ZRANB3: variants seen among roughly 807,000 people sequenced by gnomAD.
ZRANB3 encodes DNA annealing helicase and endonuclease ZRANB3.
A neutral mutation model predicts 133.8 loss-of-function variants in ZRANB3; 125 were observed. The ratio of observed to expected loss-of-function variants is 0.93; its 90% CI spans 0.81 to 1.08. The LOEUF (loss-of-function observed/expected upper bound fraction) is 1.08. Ranked by LOEUF, ZRANB3 falls within the 50% of genes least tolerant of loss-of-function variation. ZRANB3 has a pLI of 0.00. For synonymous variants in ZRANB3, 387 were observed against 432.7 expected (o/e 0.89, Z 1.31); for missense variants, 1,229 against 1,275.5 (o/e 0.96, Z 0.56).
chr2:135,207,703 G>A lies in ZRANB3; in HGVS notation c.2740C>T (p.Arg914Cys), dbSNP rs757395713. 16 of 1,613,878 alleles carry A rather than the reference G, an allele frequency of 9.9e-6. No individual in the cohort carries two copies. The highest frequency in any genetic ancestry group is 1.6e-4 in the Middle Eastern group (1 of 6,084). Residue 914 changes from arginine to cysteine, a missense_variant, in exon 19 of 21, where the codon CGC becomes TGC. Physicochemically the swap from Arg to Cys is radical, Grantham distance 180. Coordinates refer to ENST00000264159, the MANE Select transcript of ZRANB3 (RefSeq NM_032143.4). ...VDNEGNPLCL[R>C]CQQPTCQTKQ... ...GTCTGGCAAGTGGGTTGCTGACAGC[G>A]AAGGCAAAGTGGATTTCCTTCATTA...
intron 3 of ZRANB3, among the ~76,000 whole-genome samples, chr2:135,366,318 A>C (rs904726566): frequency 6.6e-6 from 1 of 152,166 alleles, no homozygotes; most frequent in Admixed American, 6.5e-5. Context: ...TTTTTTTTTA[A>C]GAAAAGTACA....
intron 3 of ZRANB3, among the ~76,000 whole-genome samples, chr2:135,367,956 G>A (rs564832207): frequency 6.6e-6 from 1 of 152,010 alleles, no homozygotes; most frequent in East Asian, 1.9e-4. Flanking sequence ...TAACTTCTCT[G>A]TTCTTTTGTC....
chr2:135,515,977 A>T (rs1693680223), intron 1 of ZRANB3, among the ~76,000 whole-genome samples: 1 of 152,138 alleles, frequency 6.6e-6, no homozygotes, highest in Non-Finnish European at 1.5e-5. Flanking sequence ...TTGGGTGCAT[A>T]TATATTTAAA....
At chr2:135,298,621 G>A (rs1221738697) in intron 8 of ZRANB3, among the ~76,000 whole-genome samples, 1 of 152,130 alleles carries the variant, frequency 6.6e-6, no homozygotes, top group Admixed American at 6.5e-5. Context: ...TAGAGCTACT[G>A]GCCTCTGGGC....
At chr2:135,470,804 CTTTT>C (rs1433904778) in intron 2 of ZRANB3, among the ~76,000 whole-genome samples, 1 of 138,768 alleles carries the variant, frequency 7.2e-6, no homozygotes, top group Admixed American at 7.3e-5. Flanking sequence ...AAATTTCTTT[CTTTT>C]TTTTTTTTTT....
chr2:135,360,721 A>G (rs1685656238), intron 3 of ZRANB3, among the ~76,000 whole-genome samples: 1 of 152,192 alleles, frequency 6.6e-6, no homozygotes, highest in South Asian at 2.1e-4. Flanking sequence ...ATAAAATAAA[A>G]TAAAATAAAA....
At chr2:135,436,207 C>A (rs1029965916) in intron 2 of ZRANB3, among the ~76,000 whole-genome samples, 7 of 152,122 alleles carry the variant, frequency 4.6e-5, no homozygotes, top group Admixed American at 2.6e-4. Flanking sequence ...ATATGTCTAG[C>A]CAGTTATCCC....
At chr2:135,510,644 G>C (rs182643220) in intron 1 of ZRANB3, 239 of 791,456 alleles carry the variant, frequency 3.0e-4, no homozygotes, top group Admixed American at 1.8e-4. Context: ...AGCCCACATA[G>C]AGGGCCTCCA....
intron 2 of ZRANB3, among the ~76,000 whole-genome samples, chr2:135,485,433 T>C (rs549850947): frequency 6.6e-6 from 1 of 152,326 alleles, no homozygotes; most frequent in African/African-American, 2.4e-5. Flanking sequence ...CTAGCCATCT[T>C]TCTTTTGATT....
At chr2:135,237,686 C>T (rs1287633141) in intron 12 of ZRANB3, among the ~76,000 whole-genome samples, 1 of 151,100 alleles carries the variant, frequency 6.6e-6, no homozygotes, top group East Asian at 2.0e-4. Flanking sequence ...CAAACTATCG[C>T]AAGGACAAAA....
intron 8 of ZRANB3, among the ~76,000 whole-genome samples, chr2:135,287,235 T>A (rs954165813): frequency 4.6e-5 from 7 of 152,210 alleles, no homozygotes; most frequent in African/African-American, 1.7e-4. Context: ...CTGTAAATAT[T>A]TGGCTTTATT....
chr2:135,363,647 A>C (rs1322322211), intron 3 of ZRANB3, among the ~76,000 whole-genome samples: 1 of 152,180 alleles, frequency 6.6e-6, no homozygotes, highest in Admixed American at 6.5e-5. Flanking sequence ...TGGGTAGGGT[A>C]GGGAGAAAGA....
intron 2 of ZRANB3, among the ~76,000 whole-genome samples, chr2:135,479,658 T>A (rs1228392861): frequency 6.6e-6 from 1 of 151,564 alleles, no homozygotes; most frequent in African/African-American, 2.4e-5. Flanking sequence ...AGAGCGAGAC[T>A]ATCTCAAAAA....
intron 1 of ZRANB3, among the ~76,000 whole-genome samples, chr2:135,507,362 A>G (rs1261812280): frequency 6.6e-6 from 1 of 152,202 alleles, no homozygotes; most frequent in Admixed American, 6.5e-5. Flanking sequence ...GAGAATGGAT[A>G]CACACAAGAA....
At chr2:135,485,271 T>C (rs545031582) in intron 2 of ZRANB3, among the ~76,000 whole-genome samples, 1 of 152,096 alleles carries the variant, frequency 6.6e-6, no homozygotes, top group Admixed American at 6.6e-5. Context: ...AAGAATCCCT[T>C]CTTTACAGCA....
chr2:135,291,946 T>C (rs528686465), intron 8 of ZRANB3, among the ~76,000 whole-genome samples: 338 of 152,358 alleles, frequency 2.2e-3, no homozygotes, highest in African/African-American at 7.1e-3. Flanking sequence ...TAGGGCTGCA[T>C]AGTATTCCAT....
At chr2:135,398,218 A>T (rs1332975215) in intron 2 of ZRANB3, among the ~76,000 whole-genome samples, 2 of 151,920 alleles carry the variant, frequency 1.3e-5, no homozygotes, top group East Asian at 3.9e-4. Flanking sequence ...GGTGCCCGCC[A>T]CCACACCCGG....
At chr2:135,388,608 A>G (rs996770173) in intron 3 of ZRANB3, among the ~76,000 whole-genome samples, 3 of 152,178 alleles carry the variant, frequency 2.0e-5, no homozygotes, top group African/African-American at 7.2e-5. Context: ...TATATGACAT[A>G]TATGTTCTAT....
intron 2 of ZRANB3, among the ~76,000 whole-genome samples, chr2:135,498,764 C>T (rs181827751): frequency 1.2e-3 from 176 of 152,254 alleles, no homozygotes; most frequent in South Asian, 2.3e-3. Context: ...GCTTTGGGAA[C>T]ATCTATCTTT....
Sources: gnomAD v4.1 joint callset for allele counts (sites outside exome capture counted in the v4.1 genomes callset) on GRCh38, gnomAD v4.1.1 for gene constraint, MANE v1.5 for transcripts, NCBI Gene and HGNC (gene_info 2026-07-23, HGNC 2026-07-21) for gene names.